The following USP7 variants were observed in gnomAD, a reference collection of about 807,000 sequenced individuals.
USP7 encodes ubiquitin specific peptidase 7.
Under a neutral mutation model 162.9 loss-of-function variants are expected in USP7, and 9 were observed. That is an observed-to-expected ratio of 0.06 (90% CI 0.03 to 0.10). USP7 has a LOEUF of 0.10. Ranked by LOEUF, USP7 falls within the 10% of genes least tolerant of loss-of-function variation. The pLI is 1.00. For synonymous variants in USP7, 562 were observed against 475.9 expected (o/e 1.18, Z -2.35); for missense variants, 715 against 1,373.7 (o/e 0.52, Z 7.58).
At chr16:8,911,701 G>A (rs370064616) in intron 10 of USP7, among the ~76,000 whole-genome samples, 1 of 152,234 alleles carries the variant, frequency 6.6e-6, no homozygotes, top group East Asian at 1.9e-4. Flanking sequence ...GGAGCTCAAG[G>A]GAGCGGGAAC....
At position 8,903,252 on chromosome 16, in the gene USP7, C is replaced by T. The variant is rs765608418; in HGVS notation, c.1839+16G>A. 7 of 1,604,256 alleles carry T rather than the reference C, an allele frequency of 4.4e-6. No individual in the cohort carries two copies. The highest frequency in any genetic ancestry group is 1.3e-5 in the African/African-American group (1 of 74,644). On this transcript the variant is annotated intron_variant, in intron 16 of 30. Coordinates refer to ENST00000344836, the MANE Select transcript of USP7 (RefSeq NM_003470.3). ...TGGGAGCCACGGTGGGGTATATCCA[C>T]GGGACCGGTACGCACCATGGTCTGA...
intron 1 of USP7, among the ~76,000 whole-genome samples, chr16:8,961,761 A>G (rs958450291): frequency 3.9e-5 from 6 of 152,212 alleles, no homozygotes; most frequent in African/African-American, 1.4e-4. Context: ...TGCAAAATAC[A>G]GCACAAAAGG....
Position 8,961,275 on chromosome 16 carries a change from C to G in USP7, c.79+1932G>C, listed in dbSNP as rs528839159. On this transcript the variant is annotated intron_variant, in intron 1 of 30. Coordinates refer to ENST00000344836, the MANE Select transcript of USP7 (RefSeq NM_003470.3). The stretch of plus-strand genomic sequence containing the variant: ...TGGAAGGACGAGGCGGGCAGATCAC[C>G]TGAGGTCGGGAGTTCGAGACCAGCC... Among the ~76,000 whole-genome samples the G allele has an allele frequency of 3.3e-5, 5 of 152,122 alleles. No individual in the cohort carries two copies. The South Asian group carries it at 1.0e-3, about 32-fold the overall frequency.
chr16:8,916,969 T>TAAA (rs34357840), intron 7 of USP7, 57 bp downstream of exon 7: 62,092 of 1,275,666 alleles, frequency 0.049, 227 homozygotes, highest in Non-Finnish European at 0.054. Context: ...TCACTTGTCC[T>TAAA]AAAAAAAAAA....
intron 5 of USP7, among the ~76,000 whole-genome samples, chr16:8,919,987 C>G (rs577030490): frequency 5.9e-5 from 9 of 152,310 alleles, no homozygotes; most frequent in African/African-American, 1.2e-4. Context: ...CCCAGTCCCC[C>G]CTTCCTCACA....
chr16:8,942,090 C>CAACAGG (rs1283547089), intron 1 of USP7, among the ~76,000 whole-genome samples: 2 of 152,212 alleles, frequency 1.3e-5, no homozygotes, highest in Admixed American at 6.5e-5. Flanking sequence ...GAGCAAACCG[C>CAACAGG]AACAGGAACA....
intron 25 of USP7, among the ~76,000 whole-genome samples, chr16:8,897,793 G>T (rs964107839): frequency 9.8e-5 from 14 of 142,964 alleles, no homozygotes; most frequent in African/African-American, 1.3e-4. Context: ...TAGCTACTTG[G>T]GGGGCTGAGG....
At position 8,904,781 on chromosome 16, in the gene USP7, T is replaced by TAA. The variant is rs60248986; in HGVS notation, c.1574-218_1574-217dup. On this transcript the variant is annotated intron_variant, in intron 14 of 30. Coordinates refer to ENST00000344836, the MANE Select transcript of USP7 (RefSeq NM_003470.3). ...CATGGTGAAACCCCATCTCTACTAC[T>TAA]AAAAAAAAAAATAAAATAAAAATAA... 1.9e-4 allele frequency among the ~76,000 whole-genome samples: 28 copies of TAA among 144,422 alleles called. 1 individual carries two copies. Among genetic ancestry groups the TAA allele is most frequent in the East Asian group, 1.4e-3 (7 of 4,940 alleles). 94.7% of individuals were successfully genotyped at this position (144,422 alleles called of 152,430 possible).
rs1239557658 is a variant in USP7, at chr16:8,892,240, C to G, written c.*1758G>C. 6.6e-6 allele frequency: 1 copy of G among 152,296 alleles called. No individual in the cohort carries two copies. Among genetic ancestry groups the G allele is most frequent in the African/African-American group, 2.4e-5 (1 of 41,442 alleles). 9.4% of individuals were successfully genotyped at this position (152,296 alleles called of 1,614,324 possible). A position where few individuals can be genotyped will look rare whatever the true frequency, so the allele number is the denominator to read the frequency against. On this transcript the variant is annotated 3_prime_UTR_variant, in exon 31 of 31. Coordinates refer to ENST00000344836, the MANE Select transcript of USP7 (RefSeq NM_003470.3). ...AACCCACAGCGAACGGCTCTCGCAC[C>G]CCTGCTCTAACTCCTCTTTCTGGGG...
chr16:8,907,393 G>A (rs967804028), intron 12 of USP7, among the ~76,000 whole-genome samples: 5 of 152,206 alleles, frequency 3.3e-5, no homozygotes, highest in Non-Finnish European at 5.9e-5. Flanking sequence ...TCAGCTGGTA[G>A]CAAGTAAAGT....
At chr16:8,895,528 T>C in intron 27 of USP7, 114 bp downstream of exon 27, 1 of 925,734 alleles carries the variant, frequency 1.1e-6, no homozygotes, top group South Asian at 1.5e-5. Context: ...ATACCTCGAT[T>C]ACTGGTATAA....
chr16:8,906,734 C>A, intron 12 of USP7, 152 bp from the exon 13 acceptor site: 1 of 712,212 alleles, frequency 1.4e-6, no homozygotes, highest in Non-Finnish European at 2.2e-6. Flanking sequence ...ATAACGTAAT[C>A]CGTACTTGAT....
chr16:8,909,953 A>C (rs1167456727), intron 11 of USP7, among the ~76,000 whole-genome samples: 1 of 151,956 alleles, frequency 6.6e-6, no homozygotes, highest in Non-Finnish European at 1.5e-5. Context: ...TCTGATCTAT[A>C]CCTCAGTCCC....
intron 1 of USP7, among the ~76,000 whole-genome samples, chr16:8,957,174 T>TG (rs1174370014): frequency 6.6e-6 from 1 of 152,236 alleles, no homozygotes; most frequent in Non-Finnish European, 1.5e-5. Context: ...TCAACACATC[T>TG]GACTTCTCAT....
chr16:8,920,299 G>A, intron 5 of USP7, 60 bp downstream of exon 5: 1 of 1,445,490 alleles, frequency 6.9e-7, no homozygotes, highest in Non-Finnish European at 9.6e-7. Context: ...GCACGCTAAA[G>A]CTTCTTTCAC....
intron 3 of USP7, 83 bp from the exon 4 acceptor site, chr16:8,921,378 C>T: frequency 1.4e-6 from 2 of 1,476,472 alleles, no homozygotes; most frequent in Non-Finnish European, 1.8e-6. Context: ...CATAGCACAC[C>T]AAAATTCCCA....
chr16:8,899,248 T>G, intron 22 of USP7, 60 bp from the exon 23 acceptor site: 1 of 1,539,758 alleles, frequency 6.5e-7, no homozygotes, highest in East Asian at 2.2e-5. Flanking sequence ...GTCATAAACT[T>G]CATGCTTAAT....
At chr16:8,899,507 C>T (rs1596352675) in intron 22 of USP7, 97 bp downstream of exon 22, 1 of 1,507,858 alleles carries the variant, frequency 6.6e-7, no homozygotes, top group East Asian at 2.3e-5. Flanking sequence ...CCCTTCTGAA[C>T]CAAAACCATG....
chr16:8,905,165 A>T, intron 14 of USP7, 22 bp downstream of exon 14: 1 of 1,610,542 alleles, frequency 6.2e-7, no homozygotes, highest in Non-Finnish European at 8.5e-7. Context: ...TAAAGAACAG[A>T]ACAAAAGTGA....
Sources: gnomAD v4.1 joint callset for allele counts (sites outside exome capture counted in the v4.1 genomes callset) on GRCh38, gnomAD v4.1.1 for gene constraint, MANE v1.5 for transcripts, NCBI Gene and HGNC (gene_info 2026-07-23, HGNC 2026-07-21) for gene names.